The following LBH variants were observed in gnomAD, a reference collection of about 807,000 sequenced individuals.
LBH encodes protein LBH.
Under a neutral mutation model 12.5 loss-of-function variants are expected in LBH, and 7 were observed. The ratio of observed to expected loss-of-function variants is 0.56; its 90% confidence interval spans 0.32 to 1.05. LBH has a LOEUF of 1.05. LBH is among the 50% of genes least tolerant of loss of function. The pLI is 0.04. For missense variants in LBH, 119 were observed against 138.9 expected (o/e 0.86, Z 0.72); for synonymous variants, 51 against 50.1 (o/e 1.02, Z -0.08).
At chr2:30,243,461 C>T (rs1412434301) in intron 2 of LBH, among the ~76,000 whole-genome samples, 1 of 151,128 alleles carries the variant, frequency 6.6e-6, no homozygotes, top group Admixed American at 6.6e-5. Flanking sequence ...GGTTCCAGAT[C>T]TGGCTCATGA....
At chr2:30,249,509 G>A (rs1338676253) in intron 2 of LBH, among the ~76,000 whole-genome samples, 2 of 152,212 alleles carry the variant, frequency 1.3e-5, no homozygotes, top group African/African-American at 4.8e-5. Flanking sequence ...AGTGAAAGGA[G>A]GAGGTAGAAG....
chr2:30,240,332 A>G (rs1278220555), intron 2 of LBH, among the ~76,000 whole-genome samples: 1 of 152,126 alleles, frequency 6.6e-6, no homozygotes, highest in East Asian at 1.9e-4. Flanking sequence ...AGGGAAAGGG[A>G]TGAGTTTGGG....
chr2:30,247,631 T>C (rs1677898226), intron 2 of LBH, among the ~76,000 whole-genome samples: 1 of 152,248 alleles, frequency 6.6e-6, no homozygotes, highest in Non-Finnish European at 1.5e-5. Flanking sequence ...CTCTGTCACA[T>C]GACTGCTTTC....
chr2:30,238,516 T>C (rs1316891228), intron 2 of LBH, among the ~76,000 whole-genome samples: 1 of 152,224 alleles, frequency 6.6e-6, no homozygotes, highest in Non-Finnish European at 1.5e-5. Flanking sequence ...CGAGGGAGGA[T>C]GCTCTGGGAG....
intron 2 of LBH, among the ~76,000 whole-genome samples, chr2:30,237,236 A>G (rs1677704419): frequency 6.6e-6 from 1 of 152,228 alleles, no homozygotes; most frequent in Non-Finnish European, 1.5e-5. Context: ...ACATCAATCC[A>G]GACTTGGCAG....
intron 2 of LBH, among the ~76,000 whole-genome samples, chr2:30,252,388 T>C (rs1677996053): frequency 6.6e-6 from 1 of 152,080 alleles, no homozygotes; most frequent in Non-Finnish European, 1.5e-5. Flanking sequence ...TTAGGCCAGG[T>C]GCAGTGGCTC....
intron 2 of LBH, among the ~76,000 whole-genome samples, chr2:30,239,853 T>C (rs911410998): frequency 1.3e-5 from 2 of 152,180 alleles, no homozygotes; most frequent in Non-Finnish European, 2.9e-5. Context: ...ATCCAGCACC[T>C]TCCCTCCTAC....
chr2:30,246,190 C>T (rs1677866874), intron 2 of LBH, among the ~76,000 whole-genome samples: 1 of 150,766 alleles, frequency 6.6e-6, no homozygotes, highest in East Asian at 1.9e-4. Flanking sequence ...AACTCTTGAC[C>T]TCAAGTGATC....
At chr2:30,243,455 C>G (rs1248050193) in intron 2 of LBH, among the ~76,000 whole-genome samples, 3 of 151,836 alleles carry the variant, frequency 2.0e-5, no homozygotes, top group Non-Finnish European at 1.5e-5. Flanking sequence ...TCCTGGGGTT[C>G]CAGATCTGGC....
At chr2:30,249,512 G>T (rs2103561394) in intron 2 of LBH, among the ~76,000 whole-genome samples, 1 of 152,320 alleles carries the variant, frequency 6.6e-6, no homozygotes, top group African/African-American at 2.4e-5. Context: ...GAAAGGAGGA[G>T]GTAGAAGAAG....
At chr2:30,251,050 AT>A (rs372791263) in intron 2 of LBH, among the ~76,000 whole-genome samples, 3,951 of 122,496 alleles carry the variant, frequency 0.032, 38 homozygotes, top group Middle Eastern at 0.086. Flanking sequence ...TGTCAGTAGA[AT>A]TTTTTTTTTT....
chr2:30,242,430 G>A (rs2103558733), intron 2 of LBH, among the ~76,000 whole-genome samples: 1 of 152,196 alleles, frequency 6.6e-6, no homozygotes, highest in East Asian at 1.9e-4. Flanking sequence ...TTTTAGTAGA[G>A]ACGGGGTTTT....
chr2:30,249,137 C>T (rs1365119750), intron 2 of LBH, among the ~76,000 whole-genome samples: 3 of 151,114 alleles, frequency 2.0e-5, no homozygotes. Context: ...TAGTTAGTAG[C>T]CCTGCTGCCC....
At chr2:30,244,621 G>C (rs1190204111) in intron 2 of LBH, among the ~76,000 whole-genome samples, 1 of 152,116 alleles carries the variant, frequency 6.6e-6, no homozygotes, top group Non-Finnish European at 1.5e-5. Context: ...CCTTCATTAA[G>C]GCTGGACGCG....
intron 2 of LBH, among the ~76,000 whole-genome samples, chr2:30,236,677 G>C (rs922059684): frequency 6.6e-6 from 1 of 152,150 alleles, no homozygotes; most frequent in African/African-American, 2.4e-5. Flanking sequence ...CTGTGCCCAG[G>C]GTCCAGGGCC....
intron 1 of LBH, chr2:30,232,369 G>C: frequency 2.0e-6 from 2 of 987,442 alleles, no homozygotes; most frequent in Non-Finnish European, 2.8e-6. Context: ...GGTGGGGGCC[G>C]GGACTGGGAG....
intron 2 of LBH, among the ~76,000 whole-genome samples, chr2:30,241,814 G>A (rs1014165300): frequency 6.6e-6 from 1 of 152,122 alleles, no homozygotes; most frequent in Admixed American, 6.5e-5. Flanking sequence ...ATTTCACCAT[G>A]CATAAATCAC....
intron 2 of LBH, among the ~76,000 whole-genome samples, chr2:30,249,802 G>A (rs1348889073): frequency 6.6e-6 from 1 of 152,202 alleles, no homozygotes; most frequent in Non-Finnish European, 1.5e-5. Context: ...CATTAGGAAG[G>A]TAGAGTTTAC....
intron 2 of LBH, among the ~76,000 whole-genome samples, chr2:30,239,640 TTTCTC>T (rs1288688872): frequency 6.6e-6 from 1 of 152,028 alleles, no homozygotes; most frequent in Non-Finnish European, 1.5e-5. Context: ...ACAACTTTCT[TTTCTC>T]CTATCCCTAC....
Sources: allele counts gnomAD v4.1 joint callset (sites outside exome capture counted in the v4.1 genomes callset), GRCh38; gene constraint gnomAD v4.1.1; transcripts MANE v1.5; gene names NCBI Gene and HGNC (gene_info 2026-07-23, HGNC 2026-07-21).